Variants in GRM8 observed in about 807,000 individuals in gnomAD.
GRM8 encodes the protein glutamate metabotropic receptor 8, also known as metabotropic glutamate receptor 8.
GRM8 carries 47 observed loss-of-function variants against 87.2 expected under a neutral mutation model. The observed-to-expected ratio is 0.54, with a 90% CI of 0.43 to 0.69. The LOEUF is 0.69. Among genes scored for constraint, GRM8 ranks in the 30% least tolerant of loss-of-function variants. The pLI, the probability that GRM8 is intolerant of heterozygous loss-of-function variation, is 0.00. For synonymous variants in GRM8, 396 were observed against 404.5 expected, an observed-to-expected ratio of 0.98 and a Z score of 0.25; for missense variants, 1,019 against 1,139.2, an observed-to-expected ratio of 0.89 and a Z score of 1.52.
intron 9 of GRM8, among the ~76,000 whole-genome samples, chr7:126,446,588 TA>T (rs1802048914): frequency 6.6e-6 from 1 of 152,012 alleles, no homozygotes; most frequent in Admixed American, 6.6e-5. Flanking sequence ...CCCAATTTAT[TA>T]AAATAAAAAT....
At chr7:127,187,731 T>C (rs1794814016) in intron 2 of GRM8, among the ~76,000 whole-genome samples, 1 of 152,192 alleles carries the variant, frequency 6.6e-6, no homozygotes, top group African/African-American at 2.4e-5. Context: ...TTGGAGCCCA[T>C]GGTTCCTGTT....
At chr7:126,691,425 T>C (rs1808795262) in intron 7 of GRM8, among the ~76,000 whole-genome samples, 1 of 152,142 alleles carries the variant, frequency 6.6e-6, no homozygotes, top group African/African-American at 2.4e-5. Flanking sequence ...AGTGCAGAGA[T>C]GCCTGAGTCC....
At chr7:126,885,209 G>A (rs1201763767) in intron 6 of GRM8, among the ~76,000 whole-genome samples, 1 of 152,168 alleles carries the variant, frequency 6.6e-6, no homozygotes, top group Non-Finnish European at 1.5e-5. Context: ...ATCCATGAAT[G>A]ATGGTTGCAG....
chr7:127,138,308 G>A (rs544843694), intron 2 of GRM8, among the ~76,000 whole-genome samples: 5 of 152,106 alleles, frequency 3.3e-5, no homozygotes, highest in Admixed American at 1.3e-4. Context: ...CCAGAGGCTC[G>A]AATATTCCCT....
chr7:127,130,678 A>G (rs745908862), intron 2 of GRM8, among the ~76,000 whole-genome samples: 1 of 152,104 alleles, frequency 6.6e-6, no homozygotes, highest in Non-Finnish European at 1.5e-5. Flanking sequence ...CAGGGGTGGA[A>G]TTATATGGTT....
At chr7:127,004,571 C>T (rs746771120) in intron 3 of GRM8, among the ~76,000 whole-genome samples, 26 of 151,334 alleles carry the variant, frequency 1.7e-4, no homozygotes, top group Non-Finnish European at 2.5e-4. Flanking sequence ...TGAAAGGACA[C>T]GAGAAATTCC....
At chr7:126,986,030 T>C (rs1372337576) in intron 3 of GRM8, among the ~76,000 whole-genome samples, 1 of 152,154 alleles carries the variant, frequency 6.6e-6, no homozygotes, top group Non-Finnish European at 1.5e-5. Context: ...TTTTTTTTTT[T>C]AGACAGGGTC....
rs147842432 is a variant in GRM8 at position 126,930,463 on chromosome 7, C to T, written c.728-25780G>A. 2.1e-3 allele frequency among the ~76,000 whole-genome samples: 318 copies of T among 152,248 alleles called. 2 individuals are homozygous for T. The highest frequency in any genetic ancestry group is 7.4e-3 in the African/African-American group (307 of 41,536). ...GGAGGACACACTGCTCTGGTCTTGC[C>T]GAGTCCTCCTTCTGACTGTGATATG... On this transcript the variant is annotated intron_variant, in intron 3 of 10. Coordinates refer to ENST00000339582, the MANE Select transcript of GRM8 (RefSeq NM_000845.3).
intron 6 of GRM8, among the ~76,000 whole-genome samples, chr7:126,887,735 CA>C (rs1800635016): frequency 6.6e-6 from 1 of 152,068 alleles, no homozygotes; most frequent in Non-Finnish European, 1.5e-5. Context: ...AACATTTAAT[CA>C]AACCTGCAGT....
chr7:126,561,881 GT>G (rs5887297), intron 8 of GRM8, among the ~76,000 whole-genome samples: 109,019 of 149,746 alleles, frequency 0.73, 40,491 homozygotes, highest in East Asian at 0.94. Context: ...GCGGTGTTTG[GT>G]TTTTTTGTCC....
At chr7:126,777,357 C>T (rs533551956) in intron 6 of GRM8, among the ~76,000 whole-genome samples, 40 of 152,200 alleles carry the variant, frequency 2.6e-4, no homozygotes, top group African/African-American at 8.9e-4. Flanking sequence ...TTCAAAAAGT[C>T]AAATAACTTA....
chr7:127,165,446 C>A (rs1041971100), intron 2 of GRM8, among the ~76,000 whole-genome samples: 1 of 151,868 alleles, frequency 6.6e-6, no homozygotes, highest in Non-Finnish European at 1.5e-5. Context: ...TCCAGAATCC[C>A]AACCTGGGTT....
At chr7:126,620,628 T>G (rs1243840766) in intron 7 of GRM8, among the ~76,000 whole-genome samples, 1 of 152,088 alleles carries the variant, frequency 6.6e-6, no homozygotes, top group Non-Finnish European at 1.5e-5. Flanking sequence ...TCTGAGTAAG[T>G]TACCCTCCTT....
At chr7:127,163,794 CAT>C (rs1350237427) in intron 2 of GRM8, among the ~76,000 whole-genome samples, 3 of 152,042 alleles carry the variant, frequency 2.0e-5, no homozygotes. Context: ...TACTTTTGCA[CAT>C]GTTTAAAATT....
At chr7:126,558,626 T>G (rs1391869584) in intron 8 of GRM8, among the ~76,000 whole-genome samples, 2 of 152,208 alleles carry the variant, frequency 1.3e-5, no homozygotes, top group African/African-American at 4.8e-5. Context: ...CAATGTAAAT[T>G]CTACGAAGAT....
intron 2 of GRM8, among the ~76,000 whole-genome samples, chr7:127,146,209 C>T (rs1167458088): frequency 2.0e-5 from 3 of 152,012 alleles, no homozygotes; most frequent in Non-Finnish European, 4.4e-5. Flanking sequence ...AGATAGGTCT[C>T]ATAGGGTAGC....
intron 9 of GRM8, among the ~76,000 whole-genome samples, chr7:126,447,687 AGAG>A (rs1254708944): frequency 6.6e-6 from 1 of 151,962 alleles, no homozygotes; most frequent in Non-Finnish European, 1.5e-5. Flanking sequence ...GCCTTTTCCT[AGAG>A]GAGAAGGTTT....
intron 9 of GRM8, among the ~76,000 whole-genome samples, chr7:126,446,868 C>T (rs80097139): frequency 0.013 from 1,975 of 152,042 alleles, 20 homozygotes; most frequent in Non-Finnish European, 0.02. Context: ...TGCATCTTCA[C>T]ATCATTACAT....
chr7:126,613,665 G>A (rs901732530), intron 7 of GRM8, among the ~76,000 whole-genome samples: 1 of 152,178 alleles, frequency 6.6e-6, no homozygotes, highest in Non-Finnish European at 1.5e-5. Context: ...TGGAAAATCA[G>A]GTCACTCCCA....
Sources: gnomAD v4.1 joint callset for allele counts (sites outside exome capture counted in the v4.1 genomes callset) on GRCh38, gnomAD v4.1.1 for gene constraint, MANE v1.5 for transcripts, NCBI Gene and HGNC (gene_info 2026-07-23, HGNC 2026-07-21) for gene names.